LSAMP: variants seen among roughly 807,000 people sequenced by gnomAD.
LSAMP encodes limbic system associated membrane protein.
LSAMP carries 7 observed loss-of-function variants against 38.6 expected under a neutral mutation model. The observed-to-expected ratio is 0.18, with a 90% CI of 0.10 to 0.34. The LOEUF is 0.34. Among genes scored for constraint, LSAMP ranks in the 10% least tolerant of loss-of-function variants. LSAMP has a pLI of 1.00. For synonymous variants in LSAMP, 154 were observed against 166.8 expected (o/e 0.92, Z 0.59); for missense variants, 313 against 420.0 (o/e 0.75, Z 2.23).
chr3:115,932,755 G>A (rs918548710), intron 3 of LSAMP, among the ~76,000 whole-genome samples: 6 of 152,096 alleles, frequency 3.9e-5, no homozygotes, highest in African/African-American at 9.7e-5. Flanking sequence ...AAAATGATAT[G>A]TATCTAATGA....
At chr3:116,393,434 C>T (rs2048728654) in intron 1 of LSAMP, among the ~76,000 whole-genome samples, 2 of 152,230 alleles carry the variant, frequency 1.3e-5, no homozygotes, top group South Asian at 4.1e-4. Flanking sequence ...AAGCAATAGC[C>T]AGTGCATCTG....
At chr3:115,832,714 T>C (rs1485002134) in intron 6 of LSAMP, among the ~76,000 whole-genome samples, 3 of 152,190 alleles carry the variant, frequency 2.0e-5, no homozygotes, top group Non-Finnish European at 4.4e-5. Flanking sequence ...GCTTTTCAAT[T>C]TCCACTAGCC....
chr3:115,818,680 G>A (rs1934109684), intron 6 of LSAMP, among the ~76,000 whole-genome samples: 1 of 148,512 alleles, frequency 6.7e-6, no homozygotes, highest in Admixed American at 6.8e-5. Context: ...TTTTAGTGGA[G>A]AGAGAAAAAT....
intron 1 of LSAMP, among the ~76,000 whole-genome samples, chr3:116,089,670 C>G (rs941245681): frequency 6.6e-5 from 10 of 152,092 alleles, no homozygotes; most frequent in African/African-American, 1.9e-4. Flanking sequence ...AATACACATA[C>G]TTTTTCCTAA....
chr3:116,355,592 A>T, intron 1 of LSAMP, among the ~76,000 whole-genome samples: 1 of 152,166 alleles, frequency 6.6e-6, no homozygotes, highest in East Asian at 1.9e-4. Flanking sequence ...CAAATGGATC[A>T]CATCAAGTGC....
rs182259306 is a variant in LSAMP at position 116,221,137 on chromosome 3, C to T, written c.156-134581G>A. 7.2e-3 allele frequency among the ~76,000 whole-genome samples: 608 copies of T among 84,390 alleles called. 5 individuals carry two copies. The highest frequency in any genetic ancestry group is 0.024 in the African/African-American group (551 of 22,602). The allele number at this position is 84,390 out of a possible 152,430, so 55.4% of individuals were successfully genotyped here. The stretch of plus-strand genomic sequence containing the variant: ...CTGCACTCCAGCCTGTGTGACAGAG[C>T]GAGACTCTGTCTCAAAAAAAAAAAA... On this transcript the variant is annotated intron_variant, in intron 1 of 6. Transcript: ENST00000490035.
intron 1 of LSAMP, among the ~76,000 whole-genome samples, chr3:116,229,913 T>A (rs1328124737): frequency 1.3e-5 from 2 of 152,134 alleles, no homozygotes; most frequent in Non-Finnish European, 2.9e-5. Flanking sequence ...GGTAACTGAA[T>A]TATAAGGAGA....
intron 3 of LSAMP, among the ~76,000 whole-genome samples, chr3:115,893,943 T>G (rs1292283914): frequency 1.3e-5 from 2 of 151,980 alleles, no homozygotes; most frequent in Non-Finnish European, 2.9e-5. Flanking sequence ...GACTGTCTCC[T>G]GGCAGACAGA....
At position 115,934,249 on chromosome 3, in the gene LSAMP, G is replaced by A. The variant is rs182107173; in HGVS notation, c.515-81632C>T. 5.8e-3 allele frequency among the ~76,000 whole-genome samples: 881 copies of A among 151,608 alleles called. 13 individuals carry two copies. Among genetic ancestry groups the A allele is most frequent in the African/African-American group, 0.021 (847 of 41,272 alleles). ...GCTGGAGTGCAGTGGTGCCATCTTG[G>A]CTCACTGCAACCTCCGCCTCCCTAG... On this transcript the variant is annotated intron_variant, in intron 3 of 6. Transcript: ENST00000490035.
chr3:115,851,469 T>C (rs1032485084), intron 4 of LSAMP, among the ~76,000 whole-genome samples: 3 of 152,158 alleles, frequency 2.0e-5, no homozygotes, highest in South Asian at 4.2e-4. Flanking sequence ...TCTAAAATGA[T>C]CTCAATTATA....
chr3:116,440,260 G>T (rs898410330), intron 1 of LSAMP, among the ~76,000 whole-genome samples: 3 of 152,118 alleles, frequency 2.0e-5, no homozygotes, highest in Non-Finnish European at 4.4e-5. Context: ...GGATATTGAG[G>T]CAACCTCCTA....
intron 1 of LSAMP, among the ~76,000 whole-genome samples, chr3:116,148,398 G>A (rs1211976527): frequency 1.3e-5 from 2 of 151,946 alleles, no homozygotes; most frequent in African/African-American, 4.8e-5. Flanking sequence ...TCAGCAGAGT[G>A]AGAGGCAATA....
intron 2 of LSAMP, among the ~76,000 whole-genome samples, chr3:116,029,946 C>G (rs981075905): frequency 8.5e-5 from 13 of 152,090 alleles, no homozygotes; most frequent in Admixed American, 3.3e-4. Flanking sequence ...CCTAGAGACT[C>G]ATCCAGACAG....
intron 1 of LSAMP, among the ~76,000 whole-genome samples, chr3:116,376,308 G>A (rs1031721964): frequency 9.2e-5 from 14 of 151,976 alleles, no homozygotes; most frequent in African/African-American, 3.4e-4. Flanking sequence ...AAAACTTTGT[G>A]TCTCTTATTT....
At chr3:116,031,324 T>C (rs1421833602) in intron 2 of LSAMP, among the ~76,000 whole-genome samples, 3 of 152,006 alleles carry the variant, frequency 2.0e-5, no homozygotes, top group Admixed American at 2.0e-4. Context: ...CAATTATGAC[T>C]TAGATCAACC....
At chr3:116,231,410 T>C (rs899615779) in intron 1 of LSAMP, among the ~76,000 whole-genome samples, 1 of 152,188 alleles carries the variant, frequency 6.6e-6, no homozygotes, top group Non-Finnish European at 1.5e-5. Flanking sequence ...AATTTCTATT[T>C]GAGGGACACA....
At chr3:116,388,934 T>C (rs531810641) in intron 1 of LSAMP, among the ~76,000 whole-genome samples, 3 of 151,754 alleles carry the variant, frequency 2.0e-5, no homozygotes, top group South Asian at 4.2e-4. Flanking sequence ...ATGAGCCCAA[T>C]AGAAAATAAA....
Position 116,317,898 on chromosome 3 carries a change from G to A in LSAMP, c.155+126979C>T, listed in dbSNP as rs538350061. 1.8e-4 allele frequency among the ~76,000 whole-genome samples: 28 copies of A among 151,762 alleles called. No individual in the cohort carries two copies. In the South Asian group the frequency reaches 5.9e-3, roughly 32 times the overall value. On this transcript the variant is annotated intron_variant, in intron 1 of 6. Transcript: ENST00000490035. Reference sequence around the variant, plus strand: ...CGGCTGTAATCCCAACACTTTGGGAGGCTGAGGTAGGCGGATCACTTGAGG... The same window carrying A: ...CGGCTGTAATCCCAACACTTTGGGAAGCTGAGGTAGGCGGATCACTTGAGG...
chr3:116,059,816 C>T (rs1330700917), intron 2 of LSAMP, among the ~76,000 whole-genome samples: 1 of 152,184 alleles, frequency 6.6e-6, no homozygotes, highest in African/African-American at 2.4e-5. Context: ...ACCCCTTGCC[C>T]TAGCATGTGA....
Sources: gnomAD v4.1 joint callset for allele counts (sites outside exome capture counted in the v4.1 genomes callset) on GRCh38, gnomAD v4.1.1 for gene constraint, MANE v1.5 for transcripts, NCBI Gene and HGNC (gene_info 2026-07-23, HGNC 2026-07-21) for gene names.